Variants in CYLD observed in about 807,000 individuals in gnomAD.
CYLD encodes the protein ubiquitin carboxyl-terminal hydrolase CYLD.
Under a neutral mutation model 104.5 loss-of-function variants are expected in CYLD, and 26 were observed. The ratio of observed to expected loss-of-function variants is 0.25; its 90% CI spans 0.18 to 0.35. The LOEUF (loss-of-function observed/expected upper bound fraction) is 0.35. CYLD is among the 10% of genes least tolerant of loss of function. The pLI is 1.00. For missense variants in CYLD, 703 were observed against 1,136.1 expected, an observed-to-expected ratio of 0.62 and a Z score of 5.48; for synonymous variants, 385 against 399.9, an observed-to-expected ratio of 0.96 and a Z score of 0.45.
At chr16:50,749,054 T>G (rs571701544) in intron 2 of CYLD, among the ~76,000 whole-genome samples, 1 of 152,032 alleles carries the variant, frequency 6.6e-6, no homozygotes, top group Non-Finnish European at 1.5e-5. Flanking sequence ...ATAGAAAGCT[T>G]AGCTGTGTGT....
At chr16:50,764,557 T>A (rs1183515942) in intron 5 of CYLD, among the ~76,000 whole-genome samples, 1 of 152,212 alleles carries the variant, frequency 6.6e-6, no homozygotes, top group African/African-American at 2.4e-5. Flanking sequence ...TTACCAGTGG[T>A]TTCTGACTTT....
In CYLD at chr16:50,801,676, G is replaced by A. The variant is rs1972470914; in HGVS notation, c.*5168G>A. The A allele has an allele frequency of 4.3e-6, 1 of 233,266 alleles. No individual in the cohort carries two copies. The highest frequency in any genetic ancestry group is 8.5e-6 in the Non-Finnish European group (1 of 117,830). 14.4% of individuals were successfully genotyped at this position (233,266 alleles called of 1,614,324 possible). On this transcript the variant is annotated 3_prime_UTR_variant, in exon 19 of 19. Coordinates refer to ENST00000427738, the MANE Select transcript of CYLD (RefSeq NM_001378743.1). ...AGTTGGGATTCTTAGTAGATTGGTA[G>A]AAAGGGGCTCATTTTCTACTGCATT...
At chr16:50,751,452 A>T (rs1966610150) in intron 3 of CYLD, 152 bp from the exon 4 acceptor site, 1 of 570,604 alleles carries the variant, frequency 1.8e-6, no homozygotes, top group Admixed American at 3.2e-5. Context: ...AACACTCTAA[A>T]TCCAACAGAA....
intron 2 of CYLD, among the ~76,000 whole-genome samples, chr16:50,746,641 C>T (rs9940175): frequency 0.33 from 50,871 of 151,886 alleles, 9,169 homozygotes; most frequent in Non-Finnish European, 0.4. Flanking sequence ...AAAAAAGTTA[C>T]CACTCCTTGT....
At chr16:50,770,581 G>T (rs2150966838) in intron 5 of CYLD, among the ~76,000 whole-genome samples, 1 of 151,682 alleles carries the variant, frequency 6.6e-6, no homozygotes, top group Admixed American at 6.6e-5. Context: ...CTCCCAAGTA[G>T]CTGGGATTAC....
intron 5 of CYLD, among the ~76,000 whole-genome samples, chr16:50,764,768 A>G (rs1968312768): frequency 6.6e-6 from 1 of 152,154 alleles, no homozygotes; most frequent in Non-Finnish European, 1.5e-5. Context: ...CTGAGGTGAG[A>G]GTACTACTGG....
rs1034786810 is a variant in CYLD at position 50,775,290 on chromosome 16, A to G, written c.922+116A>G. 4.8e-5 allele frequency: 39 copies of G among 807,542 alleles called. 1 individual carries two copies. Among genetic ancestry groups the G allele is most frequent in the South Asian group, 2.1e-4 (13 of 61,716 alleles). The allele number at this position is 807,542 out of a possible 1,614,324, so 50.0% of individuals were successfully genotyped here. On this transcript the variant is annotated intron_variant, in intron 6 of 18. Transcript: ENST00000427738. ...CTTGATCAGTATTTAGGAGTATTCTATGATCATTGCTGGGCTTTAAGGTCT... is the reference window on the plus strand; with the variant it reads ...CTTGATCAGTATTTAGGAGTATTCTGTGATCATTGCTGGGCTTTAAGGTCT...
chr16:50,767,961 G>A (rs1013974985), intron 5 of CYLD, among the ~76,000 whole-genome samples: 9 of 152,028 alleles, frequency 5.9e-5, no homozygotes, highest in East Asian at 1.9e-4. Context: ...AAACATTTAC[G>A]GTTTTGTTTT....
intron 14 of CYLD, among the ~76,000 whole-genome samples, chr16:50,788,673 G>A (rs566204921): frequency 6.6e-6 from 1 of 152,222 alleles, no homozygotes; most frequent in South Asian, 2.1e-4. Flanking sequence ...GTTCAAAGAT[G>A]ATAATAGCCA....
chr16:50,794,752 C>T lies in CYLD; in HGVS notation c.2686+324C>T, dbSNP rs1971824384. Reference sequence around the variant, plus strand: ...CCTCCCACCTCAGCCTCCTGAGTAGCTGGGACTACACGCATATGCCACCAT... The same window carrying T: ...CCTCCCACCTCAGCCTCCTGAGTAGTTGGGACTACACGCATATGCCACCAT... On this transcript the variant is annotated intron_variant, in intron 18 of 18. Coordinates refer to ENST00000427738, the MANE Select transcript of CYLD (RefSeq NM_001378743.1). The surrounding 1 kb of genome is among the most constrained non-coding windows in gnomAD (Gnocchi z 4.1). 2.6e-6 allele frequency: 1 copy of T among 387,066 alleles called. No individual in the cohort carries two copies. The highest frequency in any genetic ancestry group is 2.1e-5 in the South Asian group (1 of 46,664). The allele number at this position is 387,066 out of a possible 1,614,324, so 24.0% of individuals were successfully genotyped here. A position where few individuals can be genotyped will look rare whatever the true frequency, so the allele number is the denominator to read the frequency against.
intron 14 of CYLD, among the ~76,000 whole-genome samples, chr16:50,788,784 G>A (rs900030674): frequency 1.3e-5 from 2 of 151,956 alleles, no homozygotes; most frequent in African/African-American, 2.4e-5. Context: ...AAAATCAATA[G>A]CATTTCTGTA....
chr16:50,782,535 T>TGTGTGTGC, intron 11 of CYLD, 69 bp downstream of exon 11: 4 of 1,500,616 alleles, frequency 2.7e-6, no homozygotes, highest in Non-Finnish European at 3.7e-6. Flanking sequence ...GGTGTGTGTG[T>TGTGTGTGC]GTGTGTGCGT....
chr16:50,773,386 T>A (rs1333109704), intron 5 of CYLD, among the ~76,000 whole-genome samples: 1 of 152,184 alleles, frequency 6.6e-6, no homozygotes, highest in African/African-American at 2.4e-5. Flanking sequence ...TTGGTTTGGT[T>A]TCTTTTGCTG....
At position 50,754,405 on chromosome 16, in the gene CYLD, C is replaced by T. The variant is rs768166634; in HGVS notation, c.894C>T (p.His298=). 1.1e-5 allele frequency: 18 copies of T among 1,608,086 alleles called. No homozygotes were observed. Among genetic ancestry groups the T allele is most frequent in the East Asian group, 1.1e-4 (5 of 44,792 alleles). ...FACVESTILL[H]INDIIPALSE... ...GTGTTGAAAGTACAATTCTATTGCA[C>T]ATCAATGATATCATCCCAGGTATGT... Residue 298 remains histidine (H), a synonymous_variant, in exon 5 of 19, where the codon CAC becomes CAT. Transcript: ENST00000427738.
chr16:50,755,076 CATATACACACAT>C (rs1488092226), intron 5 of CYLD, among the ~76,000 whole-genome samples: 4,376 of 106,640 alleles, frequency 0.041, 483 homozygotes, highest in African/African-American at 0.15. Context: ...GATATGTATA[CATATACACACAT>C]ATATACATAC....
chr16:50,749,842 G>A lies in CYLD; in HGVS notation c.144G>A (p.Gln48=), dbSNP rs1048602687. Residue 48 remains glutamine, a synonymous_variant, in exon 3 of 19, where the codon CAG becomes CAA. Transcript: ENST00000427738. The part of the protein sequence containing the change: ...LLKVPKGSIG[Q]YIQDRSVGHS... Reference sequence around the variant, plus strand: ...AAGTACCGAAGGGAAGTATAGGACAGTATATTCAAGATCGTTCTGTGGGGC... The same window carrying A: ...AAGTACCGAAGGGAAGTATAGGACAATATATTCAAGATCGTTCTGTGGGGC... 3 of 1,614,038 alleles carry A rather than the reference G, an allele frequency of 1.9e-6. No individual in the cohort carries two copies. Among genetic ancestry groups the A allele is most frequent in the Non-Finnish European group, 2.5e-6 (3 of 1,180,036 alleles).
At chr16:50,755,179 GTATA>G (rs1247714203) in intron 5 of CYLD, among the ~76,000 whole-genome samples, 5 of 125,356 alleles carry the variant, frequency 4.0e-5, no homozygotes, top group Non-Finnish European at 8.4e-5. Flanking sequence ...ATATGTGTGT[GTATA>G]TACACACGTG....
chr16:50,766,065 A>G (rs1968481085), intron 5 of CYLD, among the ~76,000 whole-genome samples: 1 of 152,252 alleles, frequency 6.6e-6, no homozygotes, highest in African/African-American at 2.4e-5. Context: ...CAGTGTAGGC[A>G]AAACAGCCTT....
In CYLD at chr16:50,798,630, A is replaced by G. The variant is rs920491019; in HGVS notation, c.*2122A>G. ...TAACAGTTGGAAAAAAAAAAAAAAA[A>G]GGAGAGAGAAGACAGTTCCTTTCCT... On this transcript the variant is annotated 3_prime_UTR_variant, in exon 19 of 19. Transcript: ENST00000427738. 4 of 228,646 alleles carry G rather than the reference A, an allele frequency of 1.7e-5. No individual in the cohort carries two copies. The highest frequency in any genetic ancestry group is 9.1e-5 in the African/African-American group (4 of 43,956). 14.2% of individuals were successfully genotyped at this position (228,646 alleles called of 1,614,324 possible). A position where few individuals can be genotyped will look rare whatever the true frequency, so the allele number is the denominator to read the frequency against.
Sources: allele counts gnomAD v4.1 joint callset (sites outside exome capture counted in the v4.1 genomes callset), GRCh38; gene constraint gnomAD v4.1.1; non-coding constraint Gnocchi (gnomAD v3.1); transcripts MANE v1.5; gene names NCBI Gene and HGNC (gene_info 2026-07-23, HGNC 2026-07-21).